ZNF626: variants seen among roughly 807,000 people sequenced by gnomAD.
ZNF626 encodes CTC-513N18.7.
ZNF626 carries 4 observed loss-of-function variants against 11.7 expected under a neutral mutation model. The observed-to-expected ratio is 0.34, with a 90% CI of 0.17 to 0.78. The LOEUF (loss-of-function observed/expected upper bound fraction) is 0.78. ZNF626 is among the 30% of genes least tolerant of loss of function. ZNF626 has a pLI of 0.57. For missense variants in ZNF626, 588 were observed against 587.1 expected (o/e 1.00, Z -0.01); for synonymous variants, 179 against 198.6 (o/e 0.90, Z 0.83).
intron 1 of ZNF626, among the ~76,000 whole-genome samples, chr19:20,659,588 A>C (rs1970242124): frequency 6.6e-6 from 1 of 151,900 alleles, no homozygotes; most frequent in Non-Finnish European, 1.5e-5. Context: ...TCCATCCCTC[A>C]GGCTAGTGAG....
At chr19:20,660,048 G>C (rs781826560) in intron 1 of ZNF626, among the ~76,000 whole-genome samples, 1 of 151,938 alleles carries the variant, frequency 6.6e-6, no homozygotes, top group African/African-American at 2.4e-5. Flanking sequence ...GCGGGTCTGA[G>C]GCAGAGAGTT....
At chr19:20,635,029 A>C (rs1219265801) in intron 3 of ZNF626, among the ~76,000 whole-genome samples, 1 of 152,220 alleles carries the variant, frequency 6.6e-6, no homozygotes, top group African/African-American at 2.4e-5. Context: ...ATCATTCAGT[A>C]GGTAGAAAAA....
intron 1 of ZNF626, among the ~76,000 whole-genome samples, chr19:20,659,894 A>T (rs1271107355): frequency 2.6e-5 from 4 of 152,058 alleles, no homozygotes; most frequent in African/African-American, 9.7e-5. Context: ...TTCAGAATGA[A>T]GGCTCCTTCC....
chr19:20,629,763 A>C (rs8112787), intron 3 of ZNF626, among the ~76,000 whole-genome samples: 1,663 of 149,408 alleles, frequency 0.011, 28 homozygotes, highest in African/African-American at 0.038. Context: ...AATTGAATAC[A>C]CTTTATTTCC....
chr19:20,630,027 T>C (rs943492988), intron 3 of ZNF626, among the ~76,000 whole-genome samples: 11 of 152,196 alleles, frequency 7.2e-5, no homozygotes, highest in Non-Finnish European at 1.3e-4. Context: ...TCTGTATCTA[T>C]TGAGATAATC....
Position 20,646,303 on chromosome 19 carries a change from T to C in ZNF626, c.106A>G (p.Asn36Asp), listed in dbSNP as rs782193692. Reference sequence around the variant, plus strand: ...CCAAGGAAGACCAGGTTACTGTAGTTCTCTAACATCACATTCCTATATAAA... The same window carrying C: ...CCAAGGAAGACCAGGTTACTGTAGTCCTCTAACATCACATTCCTATATAAA... ...RNLYRNVMLE[N>D]YSNLVFLGIT... Residue 36 changes from asparagine to aspartate, a missense_variant, in exon 2 of 4, where the codon AAC becomes GAC. Asn to Asp is a conservative substitution (Grantham distance 23, BLOSUM62 1). This residue lies in a region of ZNF626 where 524 missense variants were observed against 470.1 expected (regional missense o/e 1.11). Transcript: ENST00000601440. 4 of 1,614,052 alleles carry C rather than the reference T, an allele frequency of 2.5e-6. No individual in the cohort carries two copies. The Admixed American group carries it at 6.7e-5, about 27-fold the overall frequency.
At chr19:20,643,996 C>T (rs1023099198) in intron 3 of ZNF626, among the ~76,000 whole-genome samples, 1 of 152,208 alleles carries the variant, frequency 6.6e-6, no homozygotes, top group African/African-American at 2.4e-5. Context: ...CTTGGTCCCA[C>T]TGAGAATTCT....
intron 3 of ZNF626, among the ~76,000 whole-genome samples, chr19:20,638,296 G>T (rs1969987352): frequency 6.6e-6 from 1 of 151,780 alleles, no homozygotes; most frequent in Non-Finnish European, 1.5e-5. Flanking sequence ...ATGGTGGCGG[G>T]CACCTGTAAT....
intron 1 of ZNF626, among the ~76,000 whole-genome samples, chr19:20,654,030 C>G (rs557478895): frequency 6.6e-6 from 1 of 152,268 alleles, no homozygotes; most frequent in Middle Eastern, 3.4e-3. Flanking sequence ...TGACTAATAT[C>G]TACTAACTGT....
At chr19:20,635,549 C>T (rs1969956814) in intron 3 of ZNF626, among the ~76,000 whole-genome samples, 1 of 152,112 alleles carries the variant, frequency 6.6e-6, no homozygotes, top group South Asian at 2.1e-4. Context: ...TCTCAATCTT[C>T]TGACACCGTG....
At chr19:20,639,294 G>A (rs8100328) in intron 3 of ZNF626, among the ~76,000 whole-genome samples, 46,009 of 151,924 alleles carry the variant, frequency 0.3, 7,814 homozygotes, top group East Asian at 0.47. Flanking sequence ...GCAGCATGAG[G>A]TTTGGAGAAC....
intron 1 of ZNF626, among the ~76,000 whole-genome samples, chr19:20,658,940 T>C (rs1970234516): frequency 6.6e-6 from 1 of 152,094 alleles, no homozygotes; most frequent in Non-Finnish European, 1.5e-5. Flanking sequence ...CAAAACATTG[T>C]AGTTATGTTT....
intron 1 of ZNF626, among the ~76,000 whole-genome samples, chr19:20,648,196 C>T (rs1170092068): frequency 6.8e-6 from 1 of 147,252 alleles, no homozygotes; most frequent in Non-Finnish European, 1.5e-5. Context: ...AAAAAAGAAT[C>T]ATCAGTTGTA....
chr19:20,647,530 A>G (rs1228834290), intron 1 of ZNF626, among the ~76,000 whole-genome samples: 4 of 125,796 alleles, frequency 3.2e-5, no homozygotes, highest in Non-Finnish European at 3.1e-5. Context: ...TCTGTCGCCC[A>G]GGCTGGAGTG....
Position 20,625,550 on chromosome 19 carries a change from G to T in ZNF626, c.327C>A (p.Asp109Glu). 2 of 1,612,906 alleles carry T rather than the reference G, an allele frequency of 1.2e-6. No individual in the cohort carries two copies. Among genetic ancestry groups the T allele is most frequent in the Non-Finnish European group, 8.5e-7 (1 of 1,179,634 alleles). Reference protein sequence around the residue: ...VLRRYEKCEHDNLQLKKGCIS... With the variant: ...VLRRYEKCEHENLQLKKGCIS... ...TACATCCTTTTTTTAACTGTAAATT[G>T]TCATGTTCACATTTTTCATATCTTC... Residue 109 changes from aspartate to glutamate, a missense_variant, in exon 4 of 4, where the codon GAC (aspartate) becomes GAA (glutamate). Asp to Glu is a conservative substitution (Grantham distance 45). Coordinates refer to ENST00000601440, the MANE Select transcript of ZNF626 (RefSeq NM_001076675.3).
At chr19:20,645,645 T>C (rs1365713356) in intron 3 of ZNF626, 39 bp downstream of exon 3, 1 of 1,593,268 alleles carries the variant, frequency 6.3e-7, no homozygotes, top group African/African-American at 1.4e-5. Flanking sequence ...GGACCCCTTA[T>C]CTGTGTCATC....
chr19:20,647,119 T>C (rs1166773042), intron 1 of ZNF626, among the ~76,000 whole-genome samples: 1 of 152,182 alleles, frequency 6.6e-6, no homozygotes, highest in Admixed American at 6.6e-5. Context: ...GTGTTGGGAT[T>C]ACAGGTGGAG....
At chr19:20,632,195 G>A (rs1457797734) in intron 3 of ZNF626, among the ~76,000 whole-genome samples, 5 of 152,170 alleles carry the variant, frequency 3.3e-5, no homozygotes, top group South Asian at 2.1e-4. Context: ...TGGATAACCC[G>A]AGCTTTCTCT....
intron 3 of ZNF626, among the ~76,000 whole-genome samples, chr19:20,634,632 T>C (rs1202383795): frequency 6.7e-6 from 1 of 150,118 alleles, no homozygotes; most frequent in Non-Finnish European, 1.5e-5. Flanking sequence ...GTGGGTGAAT[T>C]TAACTCCATC....
Sources: allele counts gnomAD v4.1 joint callset (sites outside exome capture counted in the v4.1 genomes callset), GRCh38; gene constraint gnomAD v4.1.1; regional missense constraint gnomAD v4.1.1; transcripts MANE v1.5; gene names NCBI Gene and HGNC (gene_info 2026-07-23, HGNC 2026-07-21).